Variants in ZFAND4 observed in about 807,000 individuals in gnomAD.
ZFAND4 encodes the protein zinc finger AN1-type containing 4, also known as AN1-type zinc finger protein 4.
ZFAND4 carries 43 observed loss-of-function variants against 64.4 expected under a neutral mutation model. The ratio of observed to expected loss-of-function variants is 0.67; its 90% confidence interval spans 0.52 to 0.86. The LOEUF is 0.86. ZFAND4 is among the 40% of genes least tolerant of loss of function. The pLI is 0.00. For synonymous variants in ZFAND4, 296 were observed against 305.7 expected, an observed-to-expected ratio of 0.97 and a Z score of 0.33; for missense variants, 929 against 859.8, an observed-to-expected ratio of 1.08 and a Z score of -1.01.
Position 45,647,424 on chromosome 10 carries a change from G to GTTTT in ZFAND4, c.569+866_569+869dup, listed in dbSNP as rs58918686. ...GAAACTGTTCTCCAAACTACAAGCT[G>GTTTT]TTTTTTTTTTTTTTTTTTAATGATT... On this transcript the variant is annotated intron_variant, in intron 5 of 9. Transcript: ENST00000344646. Among the ~76,000 whole-genome samples, 945 of 126,994 alleles carry GTTTT rather than the reference G, an allele frequency of 7.4e-3. 13 individuals are homozygous for GTTTT. Among genetic ancestry groups the GTTTT allele is most frequent in the African/African-American group, 0.026 (900 of 34,714 alleles). 83.3% of individuals were successfully genotyped at this position (126,994 alleles called of 152,430 possible). A position where few individuals can be genotyped will look rare whatever the true frequency, so the allele number is the denominator to read the frequency against.
chr10:45,667,458 C>CTTTTTTTTTT (rs60572011), intron 1 of ZFAND4, among the ~76,000 whole-genome samples: 14 of 90,590 alleles, frequency 1.5e-4, no homozygotes, highest in Non-Finnish European at 2.3e-4. Flanking sequence ...TCTTTTCTTT[C>CTTTTTTTTTT]TTTTTTTTTT....
rs1394081495 is a variant in ZFAND4, at chr10:45,618,157, A to T, written c.2031T>A (p.Ala677=). 1 of 1,613,208 alleles carries T rather than the reference A, an allele frequency of 6.2e-7. No individual in the cohort carries two copies. The highest frequency in any genetic ancestry group is 8.5e-7 in the Non-Finnish European group (1 of 1,179,702). Residue 677 remains alanine (A), a synonymous_variant, in exon 9 of 10, where the codon GCT becomes GCA. Coordinates refer to ENST00000344646, the MANE Select transcript of ZFAND4 (RefSeq NM_174890.4). ...CAACCTGCCTGCATTCGTAGCTACT[A>T]GCCAGTCCTGTTTTCTTTCCACAAA... The part of the protein sequence containing the change: ...CFLCGKKTGL[A]SSYECRCGNN...
At chr10:45,654,729 T>C (rs2047990749) in intron 2 of ZFAND4, among the ~76,000 whole-genome samples, 1 of 150,268 alleles carries the variant, frequency 6.7e-6, no homozygotes, top group African/African-American at 2.4e-5. Context: ...GAAAACAGAG[T>C]TTAAAGCAAC....
chr10:45,661,244 A>G (rs1012587506), intron 2 of ZFAND4, among the ~76,000 whole-genome samples: 1 of 152,152 alleles, frequency 6.6e-6, no homozygotes, highest in Non-Finnish European at 1.5e-5. Context: ...AGATACAGAG[A>G]GATTAAGTAA....
At chr10:45,657,379 C>T (rs2048197616) in intron 2 of ZFAND4, among the ~76,000 whole-genome samples, 2 of 151,928 alleles carry the variant, frequency 1.3e-5, no homozygotes, top group Non-Finnish European at 2.9e-5. Flanking sequence ...ATTTCCAGTT[C>T]GAATTATAAT....
chr10:45,632,313 G>T (rs749947690), intron 6 of ZFAND4, among the ~76,000 whole-genome samples: 1 of 152,094 alleles, frequency 6.6e-6, no homozygotes, highest in Admixed American at 6.6e-5. Context: ...AGCCAAGATC[G>T]TGCCATTGCA....
rs541781976 is a variant in ZFAND4, at chr10:45,656,501, CAAAAAAAAAAAA to C, written c.185-3454_185-3443del. On this transcript the variant is annotated intron_variant, in intron 2 of 9. Transcript: ENST00000344646. ...TGGGTAACAAAGTGAGAACCTGTCT[CAAAAAAAAAAAA>C]AAAAAAAAAAAAGAAAAGAAAAAAG... Among the ~76,000 whole-genome samples, 4 of 24,700 alleles carry C rather than the reference CAAAAAAAAAAAA, an allele frequency of 1.6e-4. No individual in the cohort carries two copies. The East Asian group carries it at 4.5e-3, about 28-fold the overall frequency. 16.2% of individuals were successfully genotyped at this position (24,700 alleles called of 152,430 possible).
intron 6 of ZFAND4, among the ~76,000 whole-genome samples, chr10:45,636,265 A>G (rs902377742): frequency 1.3e-5 from 2 of 152,162 alleles, no homozygotes; most frequent in Non-Finnish European, 2.9e-5. Flanking sequence ...AGCTTTCCAC[A>G]TATCTATTAT....
chr10:45,632,940 A>T (rs1204078588), intron 6 of ZFAND4, among the ~76,000 whole-genome samples: 1 of 152,218 alleles, frequency 6.6e-6, no homozygotes, highest in Non-Finnish European at 1.5e-5. Flanking sequence ...TATACCAAGC[A>T]AATGAAACCA....
Position 45,651,951 on chromosome 10 carries a change from T to C in ZFAND4, c.328+15A>G. 1 of 1,609,432 alleles carries C rather than the reference T, an allele frequency of 6.2e-7. No homozygotes were observed. The highest frequency in any genetic ancestry group is 8.5e-7 in the Non-Finnish European group (1 of 1,176,026). On this transcript the variant is annotated intron_variant, in intron 4 of 9. Transcript: ENST00000344646. The stretch of plus-strand genomic sequence containing the variant: ...ATGTTACTGTCAAATTGCTTTAATA[T>C]ATATATATGCCTACCTCTTCTAGTA...
intron 6 of ZFAND4, among the ~76,000 whole-genome samples, chr10:45,633,520 C>T (rs2046359874): frequency 6.6e-6 from 1 of 151,818 alleles, no homozygotes. Context: ...TAGTGAGACT[C>T]CCACCTCTAA....
intron 6 of ZFAND4, among the ~76,000 whole-genome samples, chr10:45,633,044 T>C (rs186109983): frequency 3.9e-5 from 6 of 152,272 alleles, no homozygotes; most frequent in Non-Finnish European, 8.8e-5. Flanking sequence ...TTCACTACTT[T>C]TGTAACTAGC....
At chr10:45,666,897 T>C (rs1195747350) in intron 1 of ZFAND4, among the ~76,000 whole-genome samples, 2 of 152,240 alleles carry the variant, frequency 1.3e-5, no homozygotes, top group Non-Finnish European at 2.9e-5. Context: ...TTAATTAATG[T>C]AGCTTTGTAG....
intron 8 of ZFAND4, among the ~76,000 whole-genome samples, chr10:45,618,753 A>G (rs994043115): frequency 6.6e-6 from 1 of 152,150 alleles, no homozygotes; most frequent in Non-Finnish European, 1.5e-5. Flanking sequence ...TTCTTTCAAA[A>G]CTTCAATATG....
Position 45,626,349 on chromosome 10 carries a change from T to C in ZFAND4, c.1474A>G (p.Arg492Gly), listed in dbSNP as rs202064320. 1.7e-5 allele frequency: 27 copies of C among 1,614,212 alleles called. No individual in the cohort carries two copies. In the East Asian group the frequency reaches 5.3e-4, roughly 32 times the overall value. ...CCAAACTCAAAACATTTGGACTGTC[T>C]CTCTGGTTTCACCAGAGAATTATGT... ...SLHNSLVKPE[R>G]QSKCFEFGKL... Residue 492 changes from arginine to glycine, a missense_variant, in exon 7 of 10, where the codon AGA becomes GGA. Physicochemically the swap from Arg to Gly is moderately radical, Grantham distance 125 (BLOSUM62 -2). Transcript: ENST00000344646.
intron 1 of ZFAND4, among the ~76,000 whole-genome samples, chr10:45,666,092 A>C (rs1398517898): frequency 1.3e-5 from 2 of 152,172 alleles, no homozygotes; most frequent in African/African-American, 4.8e-5. Context: ...TTTGCTAGAT[A>C]ATGTGGTAAC....
In ZFAND4 at chr10:45,648,390, T is replaced by C. The variant is rs956860077; in HGVS notation, c.473A>G (p.Asp158Gly). ...GDQLNFFPAV[D>G]RGDGTLTPLS... ...CGGTGTTAAAGTGCCATCTCCCCTATCTACTGCAGGAAAGAAATTCAATTG... is the reference window on the plus strand; with the variant it reads ...CGGTGTTAAAGTGCCATCTCCCCTACCTACTGCAGGAAAGAAATTCAATTG... Residue 158 changes from aspartate (D) to glycine (G), a missense_variant, in exon 5 of 10, where the codon GAT becomes GGT. By Grantham distance (94) the Asp-to-Gly change is moderately conservative (BLOSUM62 -1). Coordinates refer to ENST00000344646, the MANE Select transcript of ZFAND4 (RefSeq NM_174890.4). The C allele has an allele frequency of 6.2e-7, 1 of 1,614,056 alleles. No individual in the cohort carries two copies. Among genetic ancestry groups the C allele is most frequent in the Non-Finnish European group, 8.5e-7 (1 of 1,179,970 alleles).
At chr10:45,649,462 A>T (rs577297966) in intron 4 of ZFAND4, among the ~76,000 whole-genome samples, 1 of 152,226 alleles carries the variant, frequency 6.6e-6, no homozygotes, top group Non-Finnish European at 1.5e-5. Context: ...AAGCTGCATA[A>T]CTTTCACTTA....
At position 45,616,087 on chromosome 10, in the gene ZFAND4, A is replaced by T. The variant is rs77592696; in HGVS notation, c.*349T>A. 0.05 allele frequency: 10,973 copies of T among 221,526 alleles called. 440 individuals carry two copies. The highest frequency in any genetic ancestry group is 0.12 in the African/African-American group (5,217 of 42,696). The allele number at this position is 221,526 out of a possible 1,614,324, so 13.7% of individuals were successfully genotyped here. A position where few individuals can be genotyped will look rare whatever the true frequency, so the allele number is the denominator to read the frequency against. On this transcript the variant is annotated 3_prime_UTR_variant, in exon 10 of 10. Transcript: ENST00000344646. The stretch of plus-strand genomic sequence containing the variant: ...CATTACATGACTGCTCATTCTGTAC[A>T]ATGTGGAAGCCTGGTTATTTAGGAA...
Sources: allele counts gnomAD v4.1 joint callset (sites outside exome capture counted in the v4.1 genomes callset), GRCh38; gene constraint gnomAD v4.1.1; transcripts MANE v1.5; gene names NCBI Gene and HGNC (gene_info 2026-07-23, HGNC 2026-07-21).